The following PXDNL variants were observed in gnomAD, a reference collection of about 807,000 sequenced individuals.
The protein encoded by PXDNL is peroxidasin like.
PXDNL carries 145 observed loss-of-function variants against 150.8 expected under a neutral mutation model. The ratio of observed to expected loss-of-function variants is 0.96; its 90% CI spans 0.84 to 1.10. PXDNL has a LOEUF of 1.10. Among genes scored for constraint, PXDNL ranks in the 50% least tolerant of loss-of-function variants. The pLI is 0.00. For synonymous variants in PXDNL, 757 were observed against 725.7 expected, an observed-to-expected ratio of 1.04 and a Z score of -0.69; for missense variants, 2,087 against 1,873.9, an observed-to-expected ratio of 1.11 and a Z score of -2.10.
In PXDNL at chr8:51,408,463, C is replaced by G. The variant is rs937316690; in HGVS notation, c.3161G>C (p.Arg1054Thr). ...IINSFATAAF[R>T]FGHTLINPIL... ...AGGATTGATTAATGTGTGGCCAAAT[C>G]TAAAGGCTGCAGTAGCAAAAGAGTT... Residue 1054 changes from arginine to threonine, a missense_variant, in exon 17 of 23, where the codon AGA becomes ACA. Coordinates refer to ENST00000356297, the MANE Select transcript of PXDNL (RefSeq NM_144651.5). 2.8e-5 allele frequency: 45 copies of G among 1,613,806 alleles called. No homozygotes were observed. Among genetic ancestry groups the G allele is most frequent in the Non-Finnish European group, 3.7e-5 (44 of 1,179,852 alleles).
chr8:51,738,223 T>C (rs1267490432), intron 1 of PXDNL, among the ~76,000 whole-genome samples: 1 of 152,204 alleles, frequency 6.6e-6, no homozygotes, highest in African/African-American at 2.4e-5. Context: ...TTTCCTATTG[T>C]TTTCAGGGTT....
chr8:51,354,562 T>C (rs1324861624), intron 19 of PXDNL, among the ~76,000 whole-genome samples: 3 of 152,090 alleles, frequency 2.0e-5, no homozygotes, highest in Admixed American at 6.5e-5. Context: ...CTAAAGACAG[T>C]TCTCATGTTT....
At chr8:51,436,906 G>GA (rs983210131) in intron 12 of PXDNL, among the ~76,000 whole-genome samples, 13 of 151,522 alleles carry the variant, frequency 8.6e-5, no homozygotes, top group African/African-American at 2.4e-4. Context: ...AAAGATAAAT[G>GA]AAAAAAAAGC....
chr8:51,732,320 G>C (rs1324933505), intron 1 of PXDNL, among the ~76,000 whole-genome samples: 5 of 152,098 alleles, frequency 3.3e-5, no homozygotes, highest in Admixed American at 2.6e-4. Flanking sequence ...ACATAGCAAC[G>C]GTCACCTTAA....
At chr8:51,587,513 C>A (rs1813349920) in intron 3 of PXDNL, among the ~76,000 whole-genome samples, 1 of 152,088 alleles carries the variant, frequency 6.6e-6, no homozygotes, top group African/African-American at 2.4e-5. Flanking sequence ...ATGCTTGTGT[C>A]TTAGAGGAAA....
intron 17 of PXDNL, among the ~76,000 whole-genome samples, chr8:51,402,125 G>T (rs1377001340): frequency 3.9e-5 from 6 of 152,142 alleles, no homozygotes; most frequent in Non-Finnish European, 5.9e-5. Flanking sequence ...AAGAAATTAA[G>T]AATTTTTTGT....
intron 19 of PXDNL, among the ~76,000 whole-genome samples, chr8:51,371,390 C>T (rs1807108014): frequency 6.6e-6 from 1 of 152,200 alleles, no homozygotes; most frequent in Non-Finnish European, 1.5e-5. Flanking sequence ...GTAGATATCA[C>T]CAATTCTGTT....
intron 17 of PXDNL, among the ~76,000 whole-genome samples, chr8:51,383,951 A>C (rs1438663604): frequency 6.6e-6 from 1 of 152,196 alleles, no homozygotes. Context: ...AGGGTTATAC[A>C]TGCTCACCTG....
At chr8:51,801,642 T>C (rs144765626) in intron 1 of PXDNL, among the ~76,000 whole-genome samples, 3,535 of 152,238 alleles carry the variant, frequency 0.023, 143 homozygotes, top group African/African-American at 0.08. Flanking sequence ...AGGACCTATG[T>C]TGAAATATTG....
At chr8:51,413,885 A>G (rs183817475) in intron 14 of PXDNL, among the ~76,000 whole-genome samples, 1 of 152,288 alleles carries the variant, frequency 6.6e-6, no homozygotes, top group East Asian at 1.9e-4. Flanking sequence ...AATAAAAATA[A>G]TTACGAATGA....
At chr8:51,445,325 A>C (rs2129914835) in intron 12 of PXDNL, among the ~76,000 whole-genome samples, 1 of 152,282 alleles carries the variant, frequency 6.6e-6, no homozygotes, top group South Asian at 2.1e-4. Flanking sequence ...AACAATCCCA[A>C]CTAACTCCTT....
chr8:51,692,590 C>G (rs554510934), intron 1 of PXDNL, among the ~76,000 whole-genome samples: 187 of 152,260 alleles, frequency 1.2e-3, no homozygotes, highest in African/African-American at 3.9e-3. Context: ...CCAAATTTCA[C>G]TGGAGAATAA....
intron 12 of PXDNL, among the ~76,000 whole-genome samples, chr8:51,443,084 C>G (rs1186916935): frequency 6.6e-6 from 1 of 152,144 alleles, no homozygotes; most frequent in Non-Finnish European, 1.5e-5. Flanking sequence ...CTGTTCTGTT[C>G]TGATCTCTGG....
In PXDNL at chr8:51,408,451, G is replaced by C; in HGVS notation, c.3173C>G (p.Thr1058Arg). ...TCGGTAAAGAATAGGATTGATTAAT[G>C]TGTGGCCAAATCTAAAGGCTGCAGT... is the stretch of plus-strand genomic sequence containing the variant. ...FATAAFRFGH[T>R]LINPILYRLN... Residue 1058 changes from threonine (T) to arginine (R), a missense_variant, in exon 17 of 23, where the codon ACA becomes AGA. Transcript: ENST00000356297. 1 of 1,613,998 alleles carries C rather than the reference G, an allele frequency of 6.2e-7. No individual in the cohort carries two copies. Among genetic ancestry groups the C allele is most frequent in the Non-Finnish European group, 8.5e-7 (1 of 1,179,864 alleles).
At chr8:51,455,938 TATC>T (rs1430720045) in intron 9 of PXDNL, among the ~76,000 whole-genome samples, 1 of 152,088 alleles carries the variant, frequency 6.6e-6, no homozygotes, top group Non-Finnish European at 1.5e-5. Flanking sequence ...TGTGAGGAAT[TATC>T]ATATTCAATC....
intron 2 of PXDNL, among the ~76,000 whole-genome samples, chr8:51,645,163 A>G (rs1383017765): frequency 6.6e-6 from 1 of 152,030 alleles, no homozygotes; most frequent in African/African-American, 2.4e-5. Context: ...CAAAAGATGG[A>G]TGTCCCAGCT....
chr8:51,395,842 T>C (rs1808065603), intron 17 of PXDNL, among the ~76,000 whole-genome samples: 1 of 152,196 alleles, frequency 6.6e-6, no homozygotes, highest in African/African-American at 2.4e-5. Context: ...ATGAGACCCA[T>C]ACTTAACTCC....
rs997328078 is a variant in PXDNL at position 51,476,169 on chromosome 8, G to C, written c.525-1028C>G. ...CAGTTTGCTTTGTTTATGTGTTACA[G>C]AACAAGGAAGCTGTAATGTGGTGGT... is the stretch of plus-strand genomic sequence containing the variant. On this transcript the variant is annotated intron_variant, in intron 6 of 22. Transcript: ENST00000356297. 2.0e-5 allele frequency among the ~76,000 whole-genome samples: 3 copies of C among 152,312 alleles called. No individual in the cohort carries two copies. The South Asian group carries it at 6.2e-4, about 32-fold the overall frequency.
At position 51,452,935 on chromosome 8, in the gene PXDNL, A is replaced by C. The variant is rs62506903; in HGVS notation, c.1249+584T>G. The stretch of plus-strand genomic sequence containing the variant: ...ACACACACACAAACGCACACACACA[A>C]ACACACACACACACACACACATGCA... On this transcript the variant is annotated intron_variant, in intron 10 of 22. Coordinates refer to ENST00000356297, the MANE Select transcript of PXDNL (RefSeq NM_144651.5). 1.8e-3 allele frequency among the ~76,000 whole-genome samples: 250 copies of C among 142,666 alleles called. 1 individual carries two copies. The highest frequency in any genetic ancestry group is 5.6e-3 in the African/African-American group (209 of 37,166). 93.6% of individuals were successfully genotyped at this position (142,666 alleles called of 152,430 possible). A position where few individuals can be genotyped will look rare whatever the true frequency, so the allele number is the denominator to read the frequency against.
Sources: allele counts gnomAD v4.1 joint callset (sites outside exome capture counted in the v4.1 genomes callset), GRCh38; gene constraint gnomAD v4.1.1; transcripts MANE v1.5; gene names NCBI Gene and HGNC (gene_info 2026-07-23, HGNC 2026-07-21).